The following PARD3B variants were observed in gnomAD, a reference collection of about 807,000 sequenced individuals.
The protein encoded by PARD3B is partitioning defective 3 homolog B.
Under a neutral mutation model 130.2 loss-of-function variants are expected in PARD3B, and 103 were observed. The ratio of observed to expected loss-of-function variants is 0.79; its 90% CI spans 0.67 to 0.93. The LOEUF (loss-of-function observed/expected upper bound fraction) is 0.93, where lower values mean the gene tolerates loss of function less well. PARD3B is among the 40% of genes least tolerant of loss of function. The pLI is 0.00. For synonymous variants in PARD3B, 583 were observed against 553.2 expected (o/e 1.05, Z -0.76); for missense variants, 1,609 against 1,499.2 (o/e 1.07, Z -1.21).
chr2:205,330,195 G>A (rs1320836106), intron 18 of PARD3B, among the ~76,000 whole-genome samples: 1 of 151,546 alleles, frequency 6.6e-6, no homozygotes. Flanking sequence ...ACAGAAATTA[G>A]CCGGGCATGG....
chr2:204,582,406 G>T (rs1234865104), intron 1 of PARD3B, among the ~76,000 whole-genome samples: 1 of 152,162 alleles, frequency 6.6e-6, no homozygotes. Flanking sequence ...CTTAAGGAAA[G>T]ATAAAAGTTT....
intron 3 of PARD3B, among the ~76,000 whole-genome samples, chr2:205,022,037 T>C (rs1435329094): frequency 6.6e-6 from 1 of 152,212 alleles, no homozygotes; most frequent in Non-Finnish European, 1.5e-5. Context: ...CTTTCATAAT[T>C]TGCTCTTTTT....
At chr2:204,790,931 C>G (rs1273173957) in intron 2 of PARD3B, among the ~76,000 whole-genome samples, 9 of 151,930 alleles carry the variant, frequency 5.9e-5, no homozygotes, top group Non-Finnish European at 1.3e-4. Context: ...ATGGTGAAAC[C>G]CTGTCTCTAC....
chr2:205,151,795 C>T (rs1226066876), intron 10 of PARD3B, among the ~76,000 whole-genome samples: 1 of 152,096 alleles, frequency 6.6e-6, no homozygotes, highest in Admixed American at 6.6e-5. Context: ...GAATTTGATC[C>T]TGTCATTATG....
intron 3 of PARD3B, among the ~76,000 whole-genome samples, chr2:204,970,076 A>G (rs892051360): frequency 2.0e-5 from 3 of 152,244 alleles, no homozygotes; most frequent in African/African-American, 7.2e-5. Flanking sequence ...AAAAAAGACA[A>G]ATTAGTGAGG....
chr2:204,894,207 G>A (rs1202953544), intron 2 of PARD3B, among the ~76,000 whole-genome samples: 2 of 152,166 alleles, frequency 1.3e-5, no homozygotes. Context: ...GGTATTCAGA[G>A]ATTAATGGTG....
rs2035946340 is a variant in PARD3B, at chr2:205,183,945, G to A, written c.1925-1819G>A. 1.3e-5 allele frequency among the ~76,000 whole-genome samples: 2 copies of A among 152,016 alleles called. No individual in the cohort carries two copies. Among genetic ancestry groups the A allele is most frequent in the Admixed American group, 6.6e-5 (1 of 15,256 alleles). On this transcript the variant is annotated intron_variant, in intron 13 of 22. Coordinates refer to ENST00000406610, the MANE Select transcript of PARD3B (RefSeq NM_001302769.2). This position sits in a 1 kb window ranked among gnomAD's most constrained non-coding sequence, Gnocchi z 5.2. Reference sequence around the variant, plus strand: ...GCGTGGTTTCAGTCTGAAGACAAACGGGCTTGAGACTCAGGAAGAACTGAT... The same window carrying A: ...GCGTGGTTTCAGTCTGAAGACAAACAGGCTTGAGACTCAGGAAGAACTGAT...
At chr2:204,982,975 T>C (rs1303417271) in intron 3 of PARD3B, among the ~76,000 whole-genome samples, 1 of 152,244 alleles carries the variant, frequency 6.6e-6, no homozygotes, top group Non-Finnish European at 1.5e-5. Context: ...CTAAAAATAC[T>C]TCAGCTAAAG....
chr2:204,935,702 A>C (rs755817876), intron 2 of PARD3B, among the ~76,000 whole-genome samples: 25 of 152,176 alleles, frequency 1.6e-4, no homozygotes, highest in Non-Finnish European at 2.8e-4. Context: ...ATTTGTTAAA[A>C]ATAAGCTACT....
intron 1 of PARD3B, among the ~76,000 whole-genome samples, chr2:204,571,724 G>A (rs1574480629): frequency 1.3e-5 from 2 of 152,172 alleles, no homozygotes; most frequent in African/African-American, 2.4e-5. Context: ...ATAGCACTAT[G>A]TGTATTAGGG....
At chr2:205,033,127 TTGG>T in intron 3 of PARD3B, among the ~76,000 whole-genome samples, 1 of 152,166 alleles carries the variant, frequency 6.6e-6, no homozygotes, top group Admixed American at 6.6e-5. Flanking sequence ...CCATAAACAC[TTGG>T]TACAGACCAA....
At chr2:205,425,208 C>G (rs746739756) in intron 19 of PARD3B, among the ~76,000 whole-genome samples, 13 of 152,006 alleles carry the variant, frequency 8.6e-5, no homozygotes, top group Non-Finnish European at 1.5e-4. Context: ...TAGGTTGTTC[C>G]CCGTCACATC....
intron 18 of PARD3B, among the ~76,000 whole-genome samples, chr2:205,311,628 G>A (rs895934408): frequency 7.9e-5 from 12 of 152,180 alleles, no homozygotes; most frequent in African/African-American, 2.7e-4. Context: ...GTTTTGTAAT[G>A]TAGTTGGGCA....
chr2:205,172,268 G>A lies in PARD3B; in HGVS notation c.1678G>A (p.Gly560Arg). ...LIAVNGESLLGKSNHEAMETL... is the reference protein window; with the variant it reads ...LIAVNGESLLRKSNHEAMETL... ...TGCAGTTAATGGGGAATCTCTTTTG[G>A]GAAAGTCCAACCACGAAGCTATGGA... Residue 560 changes from glycine (G) to arginine (R), a missense_variant, in exon 12 of 23, where the codon GGA (glycine) becomes AGA (arginine). Gly to Arg is a moderately radical substitution (Grantham distance 125). Transcript: ENST00000406610. 1 of 1,614,084 alleles carries A rather than the reference G, an allele frequency of 6.2e-7. No individual in the cohort carries two copies. Among genetic ancestry groups the A allele is most frequent in the South Asian group, 1.1e-5 (1 of 91,074 alleles).
intron 2 of PARD3B, among the ~76,000 whole-genome samples, chr2:204,802,992 A>AATAAT (rs2042626876): frequency 6.6e-6 from 1 of 151,068 alleles, no homozygotes; most frequent in African/African-American, 2.4e-5. Flanking sequence ...GTATAATAAT[A>AATAAT]ATAATAATAA....
intron 3 of PARD3B, among the ~76,000 whole-genome samples, chr2:204,995,321 AT>A: frequency 1.3e-5 from 2 of 149,290 alleles, no homozygotes; most frequent in South Asian, 4.2e-4. Context: ...AAAGTATTTT[AT>A]TTCTCCTTCA....
intron 1 of PARD3B, among the ~76,000 whole-genome samples, chr2:204,609,688 T>A (rs1344575323): frequency 6.6e-6 from 1 of 152,168 alleles, no homozygotes; most frequent in Non-Finnish European, 1.5e-5. Flanking sequence ...CCAGTGTTCT[T>A]GCTGTGTAGA....
intron 2 of PARD3B, among the ~76,000 whole-genome samples, chr2:204,695,663 A>G (rs1215115150): frequency 6.6e-6 from 1 of 152,028 alleles, no homozygotes; most frequent in African/African-American, 2.4e-5. Context: ...CAAATATATC[A>G]CTTTTATTCT....
At chr2:205,043,188 A>G (rs1436667193) in intron 3 of PARD3B, among the ~76,000 whole-genome samples, 1 of 152,118 alleles carries the variant, frequency 6.6e-6, no homozygotes, top group East Asian at 1.9e-4. Flanking sequence ...GCAAGGTTAG[A>G]TTTTATTATT....
Sources: allele counts gnomAD v4.1 joint callset (sites outside exome capture counted in the v4.1 genomes callset), GRCh38; gene constraint gnomAD v4.1.1; non-coding constraint Gnocchi (gnomAD v3.1); transcripts MANE v1.5; gene names NCBI Gene and HGNC (gene_info 2026-07-23, HGNC 2026-07-21).